PARD3: variants seen among roughly 807,000 people sequenced by gnomAD.
PARD3 encodes the protein par-3 family cell polarity regulator.
In PARD3, 75 loss-of-function variants were observed where a neutral mutation model predicts 155.4. That is an observed-to-expected ratio of 0.48 (90% CI 0.40 to 0.58). The LOEUF is 0.58. Ranked by LOEUF, PARD3 falls within the 20% of genes least tolerant of loss-of-function variation. The pLI, the probability that PARD3 is intolerant of heterozygous loss-of-function variation, is 0.00. For missense variants in PARD3, 1,642 were observed against 1,721.7 expected (o/e 0.95, Z 0.82); for synonymous variants, 576 against 610.5 (o/e 0.94, Z 0.83).
chr10:34,487,763 A>G (rs771669034), intron 3 of PARD3, among the ~76,000 whole-genome samples: 4 of 152,106 alleles, frequency 2.6e-5, no homozygotes, highest in Non-Finnish European at 4.4e-5. Context: ...TTATAGGTAT[A>G]TCTGCACCAA....
At chr10:34,117,769 G>C (rs1946762804) in intron 24 of PARD3, among the ~76,000 whole-genome samples, 1 of 152,154 alleles carries the variant, frequency 6.6e-6, no homozygotes, top group Admixed American at 6.5e-5. Flanking sequence ...AAATTAGCCA[G>C]GCGAGGTGGC....
chr10:34,135,404 G>A (rs903671053), intron 22 of PARD3, among the ~76,000 whole-genome samples: 7 of 152,244 alleles, frequency 4.6e-5, no homozygotes, highest in Middle Eastern at 3.4e-3. Context: ...TTTAAGGAAG[G>A]GTACCTAGGA....
At chr10:34,476,672 C>G (rs892894684) in intron 3 of PARD3, among the ~76,000 whole-genome samples, 6 of 152,032 alleles carry the variant, frequency 3.9e-5, no homozygotes, top group Non-Finnish European at 5.9e-5. Flanking sequence ...GTTCATATAC[C>G]CCCAACCAGT....
At chr10:34,668,529 C>T (rs541407717) in intron 2 of PARD3, among the ~76,000 whole-genome samples, 2 of 152,294 alleles carry the variant, frequency 1.3e-5, no homozygotes, top group East Asian at 3.9e-4. Flanking sequence ...GAAAAACAGA[C>T]GTCTCTCCTC....
intron 2 of PARD3, among the ~76,000 whole-genome samples, chr10:34,522,603 A>AT (rs2082215702): frequency 7.6e-6 from 1 of 130,912 alleles, no homozygotes; most frequent in Non-Finnish European, 1.7e-5. Context: ...AAGAAGACAG[A>AT]TGCAAAGCTC....
At chr10:34,747,725 C>G (rs1179336734) in intron 1 of PARD3, among the ~76,000 whole-genome samples, 2 of 152,182 alleles carry the variant, frequency 1.3e-5, no homozygotes, top group Non-Finnish European at 2.9e-5. Context: ...CCATGACTAA[C>G]AACGATTTAA....
At chr10:34,278,413 T>A (rs1955991911) in intron 21 of PARD3, among the ~76,000 whole-genome samples, 2 of 152,274 alleles carry the variant, frequency 1.3e-5, no homozygotes, top group Admixed American at 1.3e-4. Context: ...ATAGTAATTT[T>A]AAAAAGACTT....
intron 21 of PARD3, 76 bp downstream of exon 21, chr10:34,284,059 T>TA: frequency 1.2e-6 from 1 of 844,338 alleles, no homozygotes; most frequent in Non-Finnish European, 1.9e-6. Context: ...ATCTTTACAT[T>TA]AAAAAAGAAG....
At chr10:34,508,880 T>G (rs2081241173) in intron 3 of PARD3, among the ~76,000 whole-genome samples, 1 of 152,190 alleles carries the variant, frequency 6.6e-6, no homozygotes, top group South Asian at 2.1e-4. Context: ...CAACTATCTG[T>G]TAGTCTAGTG....
At chr10:34,463,355 A>AG (rs1254460166) in intron 4 of PARD3, among the ~76,000 whole-genome samples, 4 of 45,714 alleles carry the variant, frequency 8.8e-5, no homozygotes, top group African/African-American at 4.1e-4. Flanking sequence ...GGGAAGGGGA[A>AG]GGGGAGGGGA....
intron 4 of PARD3, 44 bp downstream of exon 4, chr10:34,470,041 T>A: frequency 6.7e-7 from 1 of 1,482,362 alleles, no homozygotes; most frequent in Non-Finnish European, 9.1e-7. Context: ...CACCAAGAAG[T>A]CAGGAGGGGC....
chr10:34,552,093 A>T (rs2084625730), intron 2 of PARD3, among the ~76,000 whole-genome samples: 1 of 152,198 alleles, frequency 6.6e-6, no homozygotes, highest in African/African-American at 2.4e-5. Flanking sequence ...GCTTCAAAAA[A>T]TAAATCTAAC....
At chr10:34,222,531 C>A (rs1952357547) in intron 22 of PARD3, among the ~76,000 whole-genome samples, 1 of 152,236 alleles carries the variant, frequency 6.6e-6, no homozygotes, top group Admixed American at 6.5e-5. Flanking sequence ...ACAGCAGAAG[C>A]TTTCTGGCAT....
intron 2 of PARD3, among the ~76,000 whole-genome samples, chr10:34,592,506 T>C (rs1012705278): frequency 1.3e-5 from 2 of 152,206 alleles, no homozygotes; most frequent in Admixed American, 1.3e-4. Flanking sequence ...CTGGGCATGG[T>C]GGCTCACACC....
intron 2 of PARD3, among the ~76,000 whole-genome samples, chr10:34,607,453 T>C (rs1266786983): frequency 6.6e-6 from 1 of 152,198 alleles, no homozygotes; most frequent in African/African-American, 2.4e-5. Flanking sequence ...ATTAAGTAAC[T>C]TCCTGGGATA....
intron 22 of PARD3, among the ~76,000 whole-genome samples, chr10:34,222,776 C>T (rs78582426): frequency 0.055 from 8,351 of 152,306 alleles, 333 homozygotes; most frequent in Middle Eastern, 0.12. Flanking sequence ...AGTCACATTG[C>T]TCCTCTGTAT....
intron 22 of PARD3, among the ~76,000 whole-genome samples, chr10:34,184,464 A>G (rs1367434911): frequency 2.0e-5 from 3 of 152,084 alleles, no homozygotes; most frequent in Admixed American, 2.0e-4. Flanking sequence ...GGGTTTAGAG[A>G]ATTAATTAAT....
Position 34,337,202 on chromosome 10 carries a change from CT to C in PARD3, c.2560+72del, listed in dbSNP as rs767464320. On this transcript the variant is annotated intron_variant, in intron 17 of 24. Transcript: ENST00000374788. Reference sequence around the variant, plus strand: ...ATTGCTCAAAGTAAACAGACATCTGCTTGGGACCATCAATTTTATCCTGAAA... The same window carrying C: ...ATTGCTCAAAGTAAACAGACATCTGCTGGGACCATCAATTTTATCCTGAAA... The C allele has an allele frequency of 8.5e-5, 83 of 976,838 alleles. No individual in the cohort carries two copies. The Middle Eastern group carries it at 1.2e-3, about 14-fold the overall frequency. The allele number at this position is 976,838 out of a possible 1,614,324, so 60.5% of individuals were successfully genotyped here. A position where few individuals can be genotyped will look rare whatever the true frequency, so the allele number is the denominator to read the frequency against.
At chr10:34,484,451 A>C (rs2079302016) in intron 3 of PARD3, among the ~76,000 whole-genome samples, 1 of 152,192 alleles carries the variant, frequency 6.6e-6, no homozygotes, top group African/African-American at 2.4e-5. Context: ...TATTTTCTTC[A>C]TAGGCAATCT....
Sources: allele counts gnomAD v4.1 joint callset (sites outside exome capture counted in the v4.1 genomes callset), GRCh38; gene constraint gnomAD v4.1.1; transcripts MANE v1.5; gene names NCBI Gene and HGNC (gene_info 2026-07-23, HGNC 2026-07-21).